The following GABRB3 variants were observed in gnomAD, a reference collection of about 807,000 sequenced individuals.
GABRB3 encodes gamma-aminobutyric acid type A receptor subunit beta3.
GABRB3 carries 14 observed loss-of-function variants against 52.1 expected under a neutral mutation model. The ratio of observed to expected loss-of-function variants is 0.27; its 90% CI spans 0.18 to 0.42. The LOEUF (loss-of-function observed/expected upper bound fraction) is 0.42. GABRB3 is among the 10% of genes least tolerant of loss of function. The pLI is 1.00. For missense variants in GABRB3, 307 were observed against 609.1 expected (o/e 0.50, Z 5.22); for synonymous variants, 260 against 232.3 (o/e 1.12, Z -1.08).
chr15:26,611,386 T>C (rs1892066029), intron 4 of GABRB3, among the ~76,000 whole-genome samples: 1 of 152,204 alleles, frequency 6.6e-6, no homozygotes, highest in Non-Finnish European at 1.5e-5. Flanking sequence ...TAACATTTGA[T>C]AGGCAGTTCA....
chr15:26,627,709 T>C (rs1032383130), intron 3 of GABRB3, among the ~76,000 whole-genome samples: 2 of 152,176 alleles, frequency 1.3e-5, no homozygotes, highest in African/African-American at 4.8e-5. Context: ...TTGCTTCCTA[T>C]GGATGAGCAA....
intron 6 of GABRB3, among the ~76,000 whole-genome samples, chr15:26,574,682 T>C (rs1415929887): frequency 1.3e-5 from 2 of 152,144 alleles, no homozygotes; most frequent in Non-Finnish European, 2.9e-5. Context: ...TGAAATGTAC[T>C]GAAGAGACAA....
chr15:26,751,737 T>A (rs56377455), intron 3 of GABRB3, among the ~76,000 whole-genome samples: 13,382 of 152,212 alleles, frequency 0.088, 953 homozygotes, highest in African/African-American at 0.2. Context: ...GGTCCAAGCA[T>A]AAATCATGCC....
At chr15:26,753,279 G>A (rs923397641) in intron 3 of GABRB3, among the ~76,000 whole-genome samples, 29 of 152,158 alleles carry the variant, frequency 1.9e-4, no homozygotes, top group Admixed American at 1.8e-3. Flanking sequence ...GGCTACCTAC[G>A]CTGGGTGTGG....
chr15:26,748,868 A>G (rs12912290), intron 3 of GABRB3, among the ~76,000 whole-genome samples: 74,979 of 151,688 alleles, frequency 0.49, 19,938 homozygotes, highest in South Asian at 0.64. Context: ...TCTGCTAAAA[A>G]TACAAAATTT....
chr15:26,751,684 C>T (rs923045735), intron 3 of GABRB3, among the ~76,000 whole-genome samples: 5 of 151,996 alleles, frequency 3.3e-5, no homozygotes, highest in African/African-American at 1.2e-4. Flanking sequence ...ATAAGGGGGT[C>T]CTTTATGTTA....
At position 26,670,402 on chromosome 15, in the gene GABRB3, G is replaced by C. The variant is rs116013835; in HGVS notation, c.241-48868C>G. ...GGGAGGTGGCAGGTGCAGGTCTGAC[G>C]ACAGCAGGGTCGTGGCTGGCTGCGG... On this transcript the variant is annotated intron_variant, in intron 3 of 8. Transcript: ENST00000311550. Among the ~76,000 whole-genome samples the C allele has an allele frequency of 5.7e-3, 875 of 152,280 alleles. 11 individuals are homozygous for C. Among genetic ancestry groups the C allele is most frequent in the African/African-American group, 0.02 (838 of 41,572 alleles).
At chr15:26,658,160 C>G (rs1334853158) in intron 3 of GABRB3, among the ~76,000 whole-genome samples, 1 of 152,150 alleles carries the variant, frequency 6.6e-6, no homozygotes, top group Non-Finnish European at 1.5e-5. Flanking sequence ...TATGTGATCC[C>G]ACTCAGGAAT....
At chr15:26,552,388 C>T (rs1431492096) in intron 8 of GABRB3, among the ~76,000 whole-genome samples, 2 of 152,328 alleles carry the variant, frequency 1.3e-5, no homozygotes, top group African/African-American at 2.4e-5. Context: ...AGTGTGTCTG[C>T]ATGTCTTTGA....
chr15:26,619,781 T>C (rs905924047), intron 4 of GABRB3, among the ~76,000 whole-genome samples: 2 of 145,574 alleles, frequency 1.4e-5, no homozygotes, highest in Non-Finnish European at 3.0e-5. Flanking sequence ...TTTTTGTTGA[T>C]ATTTGCTTTT....
At chr15:26,687,466 C>T (rs1888442026) in intron 3 of GABRB3, among the ~76,000 whole-genome samples, 1 of 152,080 alleles carries the variant, frequency 6.6e-6, no homozygotes, top group South Asian at 2.1e-4. Context: ...TGACACATCT[C>T]GACATCATGC....
At position 26,614,645 on chromosome 15, in the gene GABRB3, C is replaced by T. The variant is rs559334042; in HGVS notation, c.461+6669G>A. The T allele has an allele frequency of 7.9e-5, 12 of 152,242 alleles. No homozygotes were observed. In the South Asian group the frequency reaches 2.5e-3, roughly 32 times the overall value. The allele number at this position is 152,242 out of a possible 1,614,324, so 9.4% of individuals were successfully genotyped here. On this transcript the variant is annotated intron_variant, in intron 4 of 8. Transcript: ENST00000311550. Reference sequence around the variant, plus strand: ...AAAAATCACACGAGACCTAATACCTCTGTGAGTTGATATCTTTTCTGAGGA... The same window carrying T: ...AAAAATCACACGAGACCTAATACCTTTGTGAGTTGATATCTTTTCTGAGGA...
At chr15:26,572,940 C>CAA (rs948894952) in intron 6 of GABRB3, among the ~76,000 whole-genome samples, 5 of 152,098 alleles carry the variant, frequency 3.3e-5, no homozygotes, top group African/African-American at 9.7e-5. Flanking sequence ...ACCATTATGC[C>CAA]AAAAACACAG....
chr15:26,595,755 A>T (rs186728579), intron 4 of GABRB3, among the ~76,000 whole-genome samples: 1 of 152,248 alleles, frequency 6.6e-6, no homozygotes, highest in Admixed American at 6.5e-5. Flanking sequence ...TACTGTTACC[A>T]TAAATCTTGA....
chr15:26,632,046 G>A (rs1308912531), intron 3 of GABRB3, among the ~76,000 whole-genome samples: 2 of 152,204 alleles, frequency 1.3e-5, no homozygotes, highest in African/African-American at 2.4e-5. Flanking sequence ...GGAAGCGAAC[G>A]TGCCGAAGTC....
chr15:26,628,037 C>T (rs1202840336), intron 3 of GABRB3, among the ~76,000 whole-genome samples: 5 of 152,202 alleles, frequency 3.3e-5, no homozygotes, highest in Admixed American at 6.5e-5. Context: ...GACCCTCCAC[C>T]AGCAAAAAGA....
intron 3 of GABRB3, among the ~76,000 whole-genome samples, chr15:26,673,550 T>C (rs1253702778): frequency 1.3e-5 from 2 of 152,226 alleles, no homozygotes; most frequent in South Asian, 2.1e-4. Flanking sequence ...ACAGTGACAC[T>C]GATGATACGA....
At chr15:26,652,200 AC>A (rs1887218976) in intron 3 of GABRB3, among the ~76,000 whole-genome samples, 1 of 152,106 alleles carries the variant, frequency 6.6e-6, no homozygotes, top group Admixed American at 6.5e-5. Flanking sequence ...AATCTCTAAA[AC>A]CCACCTATGA....
intron 3 of GABRB3, among the ~76,000 whole-genome samples, chr15:26,722,828 C>T (rs924269359): frequency 3.3e-5 from 5 of 152,152 alleles, no homozygotes; most frequent in Non-Finnish European, 5.9e-5. Context: ...TCTGGCTCCC[C>T]GTGCCATAGC....
Sources: allele counts gnomAD v4.1 joint callset (sites outside exome capture counted in the v4.1 genomes callset), GRCh38; gene constraint gnomAD v4.1.1; transcripts MANE v1.5; gene names NCBI Gene and HGNC (gene_info 2026-07-23, HGNC 2026-07-21).